Variants in KCNT2 observed in about 807,000 individuals in gnomAD.
KCNT2 encodes potassium sodium-activated channel subfamily T member 2, also known as potassium channel subfamily T member 2.
KCNT2 carries 67 observed loss-of-function variants against 153.8 expected under a neutral mutation model. The ratio of observed to expected loss-of-function variants is 0.44; its 90% CI spans 0.36 to 0.53. The LOEUF is 0.53. KCNT2 is among the 20% of genes least tolerant of loss of function. The probability of loss-of-function intolerance (pLI) is 0.00; values close to 1 mark genes in which losing one functional copy is unlikely to be tolerated. For missense variants in KCNT2, 975 were observed against 1,354.8 expected (o/e 0.72, Z 4.40); for synonymous variants, 500 against 458.8 (o/e 1.09, Z -1.15).
At chr1:196,399,608 T>G (rs1206696250) in intron 12 of KCNT2, among the ~76,000 whole-genome samples, 1 of 151,722 alleles carries the variant, frequency 6.6e-6, no homozygotes, top group Non-Finnish European at 1.5e-5. Context: ...AAAATACAGA[T>G]AGACACGAGG....
intron 8 of KCNT2, among the ~76,000 whole-genome samples, chr1:196,446,732 A>G (rs1226085312): frequency 1.3e-5 from 2 of 151,514 alleles, no homozygotes; most frequent in African/African-American, 4.8e-5. Context: ...CACATTTAAA[A>G]CCTAGTGAAC....
chr1:196,398,974 A>C (rs901836568), intron 12 of KCNT2, among the ~76,000 whole-genome samples: 3 of 151,672 alleles, frequency 2.0e-5, no homozygotes, highest in African/African-American at 7.2e-5. Context: ...GACATGTAGC[A>C]AAACTAATAG....
At chr1:196,584,748 C>T (rs1228948079) in intron 1 of KCNT2, among the ~76,000 whole-genome samples, 2 of 151,956 alleles carry the variant, frequency 1.3e-5, no homozygotes, top group Non-Finnish European at 2.9e-5. Context: ...AGAAAAAGAA[C>T]CTTGGGACTC....
chr1:196,402,793 C>T (rs983660601), intron 12 of KCNT2, among the ~76,000 whole-genome samples: 3 of 151,450 alleles, frequency 2.0e-5, no homozygotes, highest in Non-Finnish European at 3.0e-5. Context: ...GACCAAAGAA[C>T]GTATACAGAT....
chr1:196,326,948 A>T, intron 18 of KCNT2, 59 bp from the exon 19 acceptor site: 1 of 934,988 alleles, frequency 1.1e-6, no homozygotes, highest in African/African-American at 1.7e-5. Context: ...AAATTTGGAG[A>T]AAATTTAAGC....
At chr1:196,404,310 C>T (rs940200095) in intron 12 of KCNT2, among the ~76,000 whole-genome samples, 2 of 151,568 alleles carry the variant, frequency 1.3e-5, no homozygotes, top group Admixed American at 1.3e-4. Flanking sequence ...ATTTTTTTCA[C>T]TAATTCTGTA....
In KCNT2 at chr1:196,526,461, G is replaced by T. The variant is rs568382746; in HGVS notation, c.96-34120C>A. ...CCTTACCATGTAGGTTTTTTGTTTG[G>T]TTTTTTTTTTTGAGATGGAGTCTTG... On this transcript the variant is annotated intron_variant, in intron 1 of 27. Transcript: ENST00000294725. 1.5e-3 allele frequency among the ~76,000 whole-genome samples: 222 copies of T among 144,956 alleles called. 1 individual carries two copies. Among genetic ancestry groups the T allele is most frequent in the African/African-American group, 5.1e-3 (204 of 39,700 alleles).
At chr1:196,276,125 A>T (rs527801955) in intron 25 of KCNT2, among the ~76,000 whole-genome samples, 1 of 151,690 alleles carries the variant, frequency 6.6e-6, no homozygotes, top group African/African-American at 2.4e-5. Context: ...TTGACTTCTC[A>T]CTCTGCAAGA....
chr1:196,292,544 C>T (rs1371399858), intron 22 of KCNT2, among the ~76,000 whole-genome samples: 4 of 152,096 alleles, frequency 2.6e-5, no homozygotes, highest in African/African-American at 7.2e-5. Flanking sequence ...CAGTGGCTCA[C>T]GCCTGTAATC....
intron 26 of KCNT2, among the ~76,000 whole-genome samples, chr1:196,237,056 G>A (rs1035285737): frequency 1.3e-5 from 2 of 151,520 alleles, no homozygotes; most frequent in South Asian, 4.1e-4. Context: ...TTGACCCAAA[G>A]TCTAAGAATA....
intron 1 of KCNT2, among the ~76,000 whole-genome samples, chr1:196,507,407 T>C (rs997828149): frequency 3.3e-5 from 5 of 152,166 alleles, no homozygotes; most frequent in Non-Finnish European, 5.9e-5. Context: ...AAGACATTAA[T>C]GTATAGAGTT....
chr1:196,578,619 C>T (rs1172832656), intron 1 of KCNT2, among the ~76,000 whole-genome samples: 1 of 152,054 alleles, frequency 6.6e-6, no homozygotes, highest in African/African-American at 2.4e-5. Flanking sequence ...TGCAACTTAA[C>T]GTATGAAGAA....
chr1:196,240,515 G>C (rs1654855529), intron 26 of KCNT2, among the ~76,000 whole-genome samples: 1 of 151,958 alleles, frequency 6.6e-6, no homozygotes, highest in South Asian at 2.1e-4. Flanking sequence ...AAATCAAGCA[G>C]TAAGTTATAA....
Position 196,406,020 on chromosome 1 carries a change from C to T in KCNT2, c.1186-7349G>A, listed in dbSNP as rs909149927. ...CAATTCTTGCCAAATGTGATCCTTGCCCAGAGAACAATTTCTTCACAGATG... is the reference window on the plus strand; with the variant it reads ...CAATTCTTGCCAAATGTGATCCTTGTCCAGAGAACAATTTCTTCACAGATG... On this transcript the variant is annotated intron_variant, in intron 12 of 27. Coordinates refer to ENST00000294725, the MANE Select transcript of KCNT2 (RefSeq NM_198503.5). Among the ~76,000 whole-genome samples, 4 of 151,398 alleles carry T rather than the reference C, an allele frequency of 2.6e-5. No homozygotes were observed. The East Asian group carries it at 5.9e-4, about 22-fold the overall frequency.
rs1481672008 is a variant in KCNT2, at chr1:196,450,932, C to T, written c.638+14361G>A. Among the ~76,000 whole-genome samples the T allele has an allele frequency of 3.3e-5, 5 of 151,944 alleles. No homozygotes were observed. In the South Asian group the frequency reaches 8.3e-4, roughly 25 times the overall value. Reference sequence around the variant, plus strand: ...TTTATTTGAATACTTCATTTATTTCCCTATTCAAATTCTACTTCTGTAGAG... The same window carrying T: ...TTTATTTGAATACTTCATTTATTTCTCTATTCAAATTCTACTTCTGTAGAG... On this transcript the variant is annotated intron_variant, in intron 8 of 27. Coordinates refer to ENST00000294725, the MANE Select transcript of KCNT2 (RefSeq NM_198503.5).
intron 8 of KCNT2, among the ~76,000 whole-genome samples, chr1:196,457,522 CA>C (rs1179613680): frequency 1.9e-3 from 142 of 76,526 alleles, no homozygotes; most frequent in East Asian, 9.4e-3. Flanking sequence ...TAAAGCTTAC[CA>C]AAAAAAAAAA....
chr1:196,409,932 A>G (rs1672143262), intron 12 of KCNT2, among the ~76,000 whole-genome samples: 1 of 151,694 alleles, frequency 6.6e-6, no homozygotes, highest in Non-Finnish European at 1.5e-5. Context: ...CAAGGTTTTG[A>G]ATTTCTCCAC....
intron 14 of KCNT2, among the ~76,000 whole-genome samples, chr1:196,356,009 G>C (rs541024946): frequency 6.6e-6 from 1 of 151,738 alleles, no homozygotes; most frequent in Non-Finnish European, 1.5e-5. Flanking sequence ...AAACATTGTA[G>C]TGAATTTCCC....
intron 3 of KCNT2, 121 bp from the exon 4 acceptor site, chr1:196,482,500 C>A: frequency 2.0e-6 from 1 of 506,016 alleles, no homozygotes; most frequent in South Asian, 4.5e-5. Context: ...ATATCAAAAT[C>A]AACATTTGAA....
Sources: allele counts gnomAD v4.1 joint callset (sites outside exome capture counted in the v4.1 genomes callset), GRCh38; gene constraint gnomAD v4.1.1; transcripts MANE v1.5; gene names NCBI Gene and HGNC (gene_info 2026-07-23, HGNC 2026-07-21).